KLRD1: variants seen among roughly 807,000 people sequenced by gnomAD.
The protein encoded by KLRD1 is killer cell lectin like receptor D1, also known as natural killer cells antigen CD94.
A neutral mutation model predicts 22.6 loss-of-function variants in KLRD1; 21 were observed. The ratio of observed to expected loss-of-function variants is 0.93; its 90% CI spans 0.66 to 1.34. The LOEUF (loss-of-function observed/expected upper bound fraction) is 1.34. Ranked by LOEUF, KLRD1 falls within the 40% of genes most tolerant of loss-of-function variation. The pLI is 0.00. For synonymous variants in KLRD1, 59 were observed against 71.1 expected (o/e 0.83, Z 0.85); for missense variants, 183 against 208.6 (o/e 0.88, Z 0.76).
At chr12:10,312,676 C>A (rs1361611056) in intron 4 of KLRD1, among the ~76,000 whole-genome samples, 1 of 150,814 alleles carries the variant, frequency 6.6e-6, no homozygotes, top group African/African-American at 2.4e-5. Context: ...CCGTGCCCGG[C>A]CCCTAATTAC....
At chr12:10,268,093 C>A (rs146760355) in intron 1 of KLRD1, among the ~76,000 whole-genome samples, 1 of 151,990 alleles carries the variant, frequency 6.6e-6, no homozygotes, top group African/African-American at 2.4e-5. Context: ...TTCTGGAAAT[C>A]GATTAGAAAG....
Position 10,321,849 on chromosome 12 carries a change from C to G in KLRD1, c.*7056C>G, listed in dbSNP as rs1332150881. 6.6e-6 allele frequency: 1 copy of G among 152,180 alleles called. No individual in the cohort carries two copies. The highest frequency in any genetic ancestry group is 1.5e-5 in the Non-Finnish European group (1 of 68,054). 9.4% of individuals were successfully genotyped at this position (152,180 alleles called of 1,614,324 possible). A position where few individuals can be genotyped will look rare whatever the true frequency, so the allele number is the denominator to read the frequency against. ...CAGTGTCAAGCCTTAGAAAATACAA[C>G]CCAACCTACATTTTTACTGCAACCT... On this transcript the variant is annotated 3_prime_UTR_variant, in exon 6 of 6. Transcript: ENST00000336164.
intron 1 of KLRD1, among the ~76,000 whole-genome samples, chr12:10,253,669 G>A (rs188470756): frequency 3.3e-5 from 5 of 152,232 alleles, no homozygotes; most frequent in African/African-American, 1.2e-4. Flanking sequence ...ATCATGAGGT[G>A]TTTAGTTTTG....
intron 1 of KLRD1, among the ~76,000 whole-genome samples, chr12:10,266,634 A>G (rs2169747): frequency 0.96 from 145,977 of 151,842 alleles, 70,430 homozygotes; most frequent in East Asian, 1. Flanking sequence ...CATACCTATT[A>G]TTAGATATCT....
In KLRD1 at chr12:10,329,591, G is replaced by A. The variant is rs1396247494; in HGVS notation, c.*14798G>A. 2 of 152,132 alleles carry A rather than the reference G, an allele frequency of 1.3e-5. No individual in the cohort carries two copies. The highest frequency in any genetic ancestry group is 2.4e-5 in the African/African-American group (1 of 41,412). 9.4% of individuals were successfully genotyped at this position (152,132 alleles called of 1,614,324 possible). A position where few individuals can be genotyped will look rare whatever the true frequency, so the allele number is the denominator to read the frequency against. On this transcript the variant is annotated 3_prime_UTR_variant, in exon 6 of 6. Transcript: ENST00000336164. Reference sequence around the variant, plus strand: ...TTGGTTGTTCTATCCATTATTAAAAGTGAGCACTGAAATCTCCTACTGTTA... The same window carrying A: ...TTGGTTGTTCTATCCATTATTAAAAATGAGCACTGAAATCTCCTACTGTTA...
At chr12:10,251,964 G>C (rs535726924) in intron 1 of KLRD1, among the ~76,000 whole-genome samples, 1 of 152,228 alleles carries the variant, frequency 6.6e-6, no homozygotes, top group Admixed American at 6.5e-5. Flanking sequence ...CCACAGTACC[G>C]GTCTGTGGCC....
intron 1 of KLRD1, among the ~76,000 whole-genome samples, chr12:10,249,561 T>TA (rs1429329236): frequency 6.6e-6 from 1 of 152,190 alleles, no homozygotes; most frequent in Admixed American, 6.5e-5. Flanking sequence ...CTTGTGCCCT[T>TA]ATCATATATC....
intron 1 of KLRD1, among the ~76,000 whole-genome samples, chr12:10,243,792 T>C (rs552176115): frequency 1.3e-5 from 2 of 152,230 alleles, no homozygotes; most frequent in East Asian, 3.9e-4. Context: ...GTGATCTTAC[T>C]AGGGATTCTC....
intron 1 of KLRD1, among the ~76,000 whole-genome samples, chr12:10,239,387 A>G (rs1949212427): frequency 6.6e-6 from 1 of 151,032 alleles, no homozygotes; most frequent in Non-Finnish European, 1.5e-5. Context: ...GATGATACCA[A>G]TTTGGCAGCA....
rs535529351 is a variant in KLRD1, at chr12:10,276,265, G to A, written c.-100-31713G>A. ...CTTAAATTATCACCTCACTACACTT[G>A]TAATCTATATTTAAAATTATAATAT... On this transcript the variant is annotated intron_variant, in intron 1 of 5. Coordinates refer to the KLRD1 transcript ENST00000544747. Among the ~76,000 whole-genome samples the A allele has an allele frequency of 2.0e-5, 3 of 152,070 alleles. No individual in the cohort carries two copies. In the South Asian group the frequency reaches 6.2e-4, roughly 32 times the overall value.
intron 1 of KLRD1, among the ~76,000 whole-genome samples, chr12:10,285,034 T>C (rs1011511010): frequency 2.6e-5 from 4 of 152,162 alleles, no homozygotes; most frequent in African/African-American, 9.7e-5. Flanking sequence ...TAGTTTCCAC[T>C]TAAAAGTTTT....
chr12:10,310,791 A>C (rs1458858543), intron 3 of KLRD1, among the ~76,000 whole-genome samples: 2 of 152,182 alleles, frequency 1.3e-5, no homozygotes, highest in East Asian at 3.9e-4. Flanking sequence ...TCTCAAAAAC[A>C]ATTAAAAAAT....
chr12:10,292,840 C>G (rs192578862), intron 1 of KLRD1, among the ~76,000 whole-genome samples: 152 of 152,108 alleles, frequency 1.0e-3, no homozygotes, highest in Non-Finnish European at 1.6e-3. Flanking sequence ...TTTCCAGAAG[C>G]CTGTTTCATG....
Position 10,311,508 on chromosome 12 carries a change from T to C in KLRD1, c.208T>C (p.Cys70Arg). 1 of 1,614,000 alleles carries C rather than the reference T, an allele frequency of 6.2e-7. No individual in the cohort carries two copies. Among genetic ancestry groups the C allele is most frequent in the Non-Finnish European group, 8.5e-7 (1 of 1,179,886 alleles). Residue 70 changes from cysteine (C) to arginine (R), a missense_variant, in exon 4 of 6, where the codon TGC becomes CGC. Physicochemically the swap from Cys to Arg is radical, Grantham distance 180. Coordinates refer to ENST00000336164, the MANE Select transcript of KLRD1 (RefSeq NM_002262.5). ...SCQEKWVGYR[C>R]NCYFISSEQK... is the part of the protein sequence containing the mutation. ...CCAAGAAAAATGGGTTGGGTACCGGTGCAACTGTTACTTCATTTCCAGTGA... is the reference window on the plus strand; with the variant it reads ...CCAAGAAAAATGGGTTGGGTACCGGCGCAACTGTTACTTCATTTCCAGTGA...
chr12:10,312,812 CA>C (rs1950120664), intron 4 of KLRD1, among the ~76,000 whole-genome samples: 1 of 151,038 alleles, frequency 6.6e-6, no homozygotes, highest in Admixed American at 6.6e-5. Context: ...ACGGTGAAAC[CA>C]CGTCTCTACT....
rs1950375045 is a variant in KLRD1, at chr12:10,327,859, A to G, written c.*13066A>G. On this transcript the variant is annotated 3_prime_UTR_variant, in exon 6 of 6. Transcript: ENST00000336164. ...CTCAAATTCTAGGTTGGCAGGAGTT[A>G]TCATCATAAAATGGGTATTAAATTT... The G allele has an allele frequency of 6.6e-6, 1 of 152,224 alleles. No individual in the cohort carries two copies. Among genetic ancestry groups the G allele is most frequent in the African/African-American group, 2.4e-5 (1 of 41,474 alleles). The allele number at this position is 152,224 out of a possible 1,614,324, so 9.4% of individuals were successfully genotyped here.
At chr12:10,271,100 T>TG (rs1555103877) in intron 1 of KLRD1, among the ~76,000 whole-genome samples, 1 of 150,858 alleles carries the variant, frequency 6.6e-6, no homozygotes, top group East Asian at 1.9e-4. Flanking sequence ...CCTAATTGTT[T>TG]TTTTTTTTTT....
Position 10,329,288 on chromosome 12 carries a change from T to C in KLRD1, c.*14495T>C, listed in dbSNP as rs1392720694. ...TGCAGATTGGTTGTTCAAAAATGTA[T>C]TGTTAAATTATCACATATTTATTAG... On this transcript the variant is annotated 3_prime_UTR_variant, in exon 6 of 6. Transcript: ENST00000336164. 1 of 152,226 alleles carries C rather than the reference T, an allele frequency of 6.6e-6. No individual in the cohort carries two copies. Among genetic ancestry groups the C allele is most frequent in the Non-Finnish European group, 1.5e-5 (1 of 68,032 alleles). 9.4% of individuals were successfully genotyped at this position (152,226 alleles called of 1,614,324 possible). A position where few individuals can be genotyped will look rare whatever the true frequency, so the allele number is the denominator to read the frequency against.
At chr12:10,309,268 A>G in intron 1 of KLRD1, 120 bp from the exon 2 acceptor site, 1 of 623,226 alleles carries the variant, frequency 1.6e-6, no homozygotes, top group Non-Finnish European at 2.9e-6. Flanking sequence ...TTTATTGGCA[A>G]GATGACTCCG....
Sources: gnomAD v4.1 joint callset for allele counts (sites outside exome capture counted in the v4.1 genomes callset) on GRCh38, gnomAD v4.1.1 for gene constraint, MANE v1.5 for transcripts, NCBI Gene and HGNC (gene_info 2026-07-23, HGNC 2026-07-21) for gene names.